The following XRN1 variants were observed in gnomAD, a reference collection of about 807,000 sequenced individuals.
XRN1 encodes the protein strand-exchange protein 1 homolog.
In XRN1, 67 loss-of-function variants were observed where a neutral mutation model predicts 222.3. The ratio of observed to expected loss-of-function variants is 0.30; its 90% CI spans 0.25 to 0.37. XRN1 has a LOEUF of 0.37. XRN1 is among the 10% of genes least tolerant of loss of function. The pLI is 1.00. For missense variants in XRN1, 1,707 were observed against 2,000.2 expected, an observed-to-expected ratio of 0.85 and a Z score of 2.80; for synonymous variants, 643 against 652.4, an observed-to-expected ratio of 0.99 and a Z score of 0.22.
At position 142,361,963 on chromosome 3, in the gene XRN1, CTTTTTTTTT is replaced by C. The variant is rs71153961; in HGVS notation, c.3395-2041_3395-2033del. On this transcript the variant is annotated intron_variant, in intron 29 of 40. Transcript: ENST00000392981. ...CTCTTTGTTTCTTTTCTTTTTCTCT[CTTTTTTTTT>C]TTTTTTTTTTTTTTGAGACAGAGTC... 9.7e-5 allele frequency among the ~76,000 whole-genome samples: 5 copies of C among 51,678 alleles called. 1 individual carries two copies. Among genetic ancestry groups the C allele is most frequent in the Admixed American group, 6.3e-4 (2 of 3,154 alleles). The allele number at this position is 51,678 out of a possible 152,430, so 33.9% of individuals were successfully genotyped here.
At position 142,390,114 on chromosome 3, in the gene XRN1, A is replaced by C. The variant is rs191439220; in HGVS notation, c.2340-5429T>G. On this transcript the variant is annotated intron_variant, in intron 20 of 40. Coordinates refer to ENST00000392981, the MANE Select transcript of XRN1 (RefSeq NM_001282857.2). ...GCTGTCATTCAGACTTCGCTGTTCCATTTATAGAGCACAGGCATAGATTTA... is the reference window on the plus strand; with the variant it reads ...GCTGTCATTCAGACTTCGCTGTTCCCTTTATAGAGCACAGGCATAGATTTA... Among the ~76,000 whole-genome samples, 361 of 152,332 alleles carry C rather than the reference A, an allele frequency of 2.4e-3. 3 individuals are homozygous for C. The highest frequency in any genetic ancestry group is 8.1e-3 in the African/African-American group (335 of 41,584).
rs781035222 is a variant in XRN1 at position 142,311,800 on chromosome 3, C to CT, written c.4795dup (p.Arg1599LysfsTer9). The CT allele has an allele frequency of 5.0e-6, 8 of 1,588,736 alleles. No individual in the cohort carries two copies. Among genetic ancestry groups the CT allele is most frequent in the Non-Finnish European group, 6.8e-6 (8 of 1,169,336 alleles). ...CTCAAAGTTCTTTTTGTTTGCAACC[C>CT]TTTTTTTAGTAACCTGTTAGGAATA... On this transcript the variant is annotated frameshift_variant, in exon 41 of 41. Coordinates refer to ENST00000392981, the MANE Select transcript of XRN1 (RefSeq NM_001282857.2). LOFTEE classifies it high-confidence loss of function.
chr3:142,364,931 G>T, intron 29 of XRN1, 116 bp downstream of exon 29: 2 of 968,148 alleles, frequency 2.1e-6, no homozygotes, highest in South Asian at 2.1e-5. Flanking sequence ...AACATAAAAA[G>T]ATTGTTTGTT....
At chr3:142,399,669 G>GA (rs1338639106) in intron 19 of XRN1, among the ~76,000 whole-genome samples, 1 of 150,832 alleles carries the variant, frequency 6.6e-6, no homozygotes. Context: ...GCCAACAAAG[G>GA]AAAAAAACCG....
In XRN1 at chr3:142,403,680, A is replaced by T. The variant is rs1329270726; in HGVS notation, c.2097T>A (p.Asp699Glu). The change falls in exon 18 of 41, where the codon GAT becomes GAA. Residue 699 changes from aspartate (D) to glutamate (E), a missense_variant. Transcript: ENST00000392981. ...MLEILVDAES[D>E]ELTVENVASS... is the part of the protein sequence containing the mutation. ...TGATAAATAAAATACTTACAAGTTC[A>T]TCTGATTCTGCATCCACTAAGATTT... 1 of 1,612,566 alleles carries T rather than the reference A, an allele frequency of 6.2e-7. No homozygotes were observed. The highest frequency in any genetic ancestry group is 8.5e-7 in the Non-Finnish European group (1 of 1,178,982).
chr3:142,312,863 T>C (rs1577199013), intron 39 of XRN1, 105 bp from the exon 40 acceptor site: 1 of 1,251,192 alleles, frequency 8.0e-7, no homozygotes, highest in Admixed American at 2.3e-5. Flanking sequence ...TTTTTTCCCC[T>C]TTGGCAAAAG....
rs573618814 is a variant in XRN1 at position 142,404,403 on chromosome 3, T to C, written c.1884-414A>G. Reference sequence around the variant, plus strand: ...GATGTTTACTTTATTTGCAACTCAATTGCCATCTGGGTAGATTATTTGCAG... The same window carrying C: ...GATGTTTACTTTATTTGCAACTCAACTGCCATCTGGGTAGATTATTTGCAG... On this transcript the variant is annotated intron_variant, in intron 16 of 40. Transcript: ENST00000392981. 2.0e-4 allele frequency among the ~76,000 whole-genome samples: 30 copies of C among 152,100 alleles called. No homozygotes were observed. The Middle Eastern group carries it at 0.014, about 69-fold the overall frequency.
chr3:142,418,781 T>C (rs1453417376), intron 11 of XRN1, 34 bp downstream of exon 11: 3 of 1,601,884 alleles, frequency 1.9e-6, no homozygotes, highest in African/African-American at 1.3e-5. Flanking sequence ...CCTGTCAAAG[T>C]AGTAACATAT....
intron 34 of XRN1, among the ~76,000 whole-genome samples, chr3:142,334,718 T>C (rs2065800526): frequency 1.3e-5 from 2 of 151,598 alleles, no homozygotes; most frequent in Admixed American, 1.3e-4. Context: ...TGTGTATATA[T>C]ATAAGACCAT....
intron 13 of XRN1, among the ~76,000 whole-genome samples, chr3:142,416,014 G>C (rs1233533904): frequency 6.6e-6 from 1 of 152,032 alleles, no homozygotes; most frequent in Non-Finnish European, 1.5e-5. Flanking sequence ...CCCGGGAAGG[G>C]GAGGTTGCAG....
At chr3:142,384,039 G>A (rs536954206) in intron 21 of XRN1, among the ~76,000 whole-genome samples, 1 of 152,164 alleles carries the variant, frequency 6.6e-6, no homozygotes, top group South Asian at 2.1e-4. Flanking sequence ...GGGAGGCCGA[G>A]GTGGGTGGAT....
At chr3:142,356,602 G>C (rs2066471554) in intron 31 of XRN1, among the ~76,000 whole-genome samples, 1 of 151,868 alleles carries the variant, frequency 6.6e-6, no homozygotes, top group African/African-American at 2.4e-5. Context: ...TAGGACATTT[G>C]GATTATACAA....
At chr3:142,391,372 G>A (rs373081707) in intron 20 of XRN1, among the ~76,000 whole-genome samples, 15 of 152,006 alleles carry the variant, frequency 9.9e-5, no homozygotes, top group East Asian at 1.9e-4. Flanking sequence ...GAAGATTTTC[G>A]TCCATTTACT....
chr3:142,395,485 C>T (rs1011501246), intron 20 of XRN1, among the ~76,000 whole-genome samples: 3 of 152,130 alleles, frequency 2.0e-5, no homozygotes, highest in Non-Finnish European at 4.4e-5. Flanking sequence ...TCCTTTGCTG[C>T]CCTCATAGAA....
intron 40 of XRN1, 126 bp from the exon 41 acceptor site, chr3:142,311,939 T>C (rs967246479): frequency 1.2e-5 from 12 of 960,192 alleles, no homozygotes; most frequent in East Asian, 1.0e-4. Flanking sequence ...CTTCCACTTA[T>C]AATTGCCAAG....
At chr3:142,356,794 C>A in intron 31 of XRN1, 118 bp downstream of exon 31, 1 of 1,149,828 alleles carries the variant, frequency 8.7e-7, no homozygotes, top group South Asian at 1.6e-5. Flanking sequence ...TGACCTGAGC[C>A]AAAACTTTTT....
At chr3:142,432,146 T>C (rs1164347327) in intron 2 of XRN1, among the ~76,000 whole-genome samples, 1 of 126,782 alleles carries the variant, frequency 7.9e-6, no homozygotes, top group Non-Finnish European at 1.6e-5. Context: ...ATAAAATATA[T>C]AATATATAAT....
At chr3:142,404,270 A>G (rs1043501497) in intron 16 of XRN1, among the ~76,000 whole-genome samples, 1 of 152,096 alleles carries the variant, frequency 6.6e-6, no homozygotes, top group Non-Finnish European at 1.5e-5. Context: ...ACATAACACA[A>G]ATCTCTATAT....
At chr3:142,348,659 G>A (rs964656031) in intron 32 of XRN1, among the ~76,000 whole-genome samples, 6 of 152,102 alleles carry the variant, frequency 3.9e-5, no homozygotes, top group African/African-American at 1.4e-4. Flanking sequence ...ACAGACAAAT[G>A]GACACTGGGT....
Sources: gnomAD v4.1 joint callset for allele counts (sites outside exome capture counted in the v4.1 genomes callset) on GRCh38, gnomAD v4.1.1 for gene constraint, MANE v1.5 for transcripts, NCBI Gene and HGNC (gene_info 2026-07-23, HGNC 2026-07-21) for gene names.